GALNT17: variants seen among roughly 807,000 people sequenced by gnomAD.
GALNT17 encodes UDP-GalNAc:polypeptide N-acetylgalactosaminyltransferase-like 3.
GALNT17 carries 29 observed loss-of-function variants against 63.7 expected under a neutral mutation model. That is an observed-to-expected ratio of 0.46 (90% confidence interval 0.34 to 0.62). The LOEUF is 0.62. GALNT17 is among the 20% of genes least tolerant of loss of function. The pLI is 0.01. For missense variants in GALNT17, 603 were observed against 799.6 expected, an observed-to-expected ratio of 0.75 and a Z score of 2.97; for synonymous variants, 305 against 318.3, an observed-to-expected ratio of 0.96 and a Z score of 0.45.
At chr7:71,626,297 C>G (rs995841784) in intron 6 of GALNT17, among the ~76,000 whole-genome samples, 2 of 150,994 alleles carry the variant, frequency 1.3e-5, no homozygotes, top group Admixed American at 1.3e-4. Flanking sequence ...CATGTGAAGA[C>G]AAAGGGAAAA....
At chr7:71,469,769 T>C (rs950572089) in intron 5 of GALNT17, among the ~76,000 whole-genome samples, 6 of 152,218 alleles carry the variant, frequency 3.9e-5, no homozygotes, top group African/African-American at 1.4e-4. Context: ...TAGGCTAAAC[T>C]TAATTGAATA....
chr7:71,443,384 G>A (rs532777686), intron 5 of GALNT17, among the ~76,000 whole-genome samples: 1 of 152,298 alleles, frequency 6.6e-6, no homozygotes, highest in South Asian at 2.1e-4. Flanking sequence ...GCTGAAATTT[G>A]ATCCGCAGTG....
At chr7:71,411,782 T>C (rs1793434545) in intron 3 of GALNT17, among the ~76,000 whole-genome samples, 1 of 152,194 alleles carries the variant, frequency 6.6e-6, no homozygotes. Context: ...CAACGGACCA[T>C]TCTCAGCTTG....
At chr7:71,708,024 G>A (rs1032814753) in intron 9 of GALNT17, among the ~76,000 whole-genome samples, 12 of 152,182 alleles carry the variant, frequency 7.9e-5, no homozygotes, top group African/African-American at 2.7e-4. Flanking sequence ...ATTTGTTGTT[G>A]TACATAGAGC....
At chr7:71,613,180 T>C (rs1165623282) in intron 6 of GALNT17, among the ~76,000 whole-genome samples, 1 of 152,214 alleles carries the variant, frequency 6.6e-6, no homozygotes, top group African/African-American at 2.4e-5. Context: ...GAGAGGCGGT[T>C]ACTCCATCAA....
At chr7:71,162,088 C>T (rs1180893268) in intron 1 of GALNT17, among the ~76,000 whole-genome samples, 3 of 106,492 alleles carry the variant, frequency 2.8e-5, no homozygotes, top group African/African-American at 1.2e-4. Flanking sequence ...TTCTTTCCTT[C>T]CTCCCTCCCT....
chr7:71,601,349 A>G (rs1789964655), intron 6 of GALNT17, among the ~76,000 whole-genome samples: 2 of 152,114 alleles, frequency 1.3e-5, no homozygotes, highest in Non-Finnish European at 2.9e-5. Context: ...TTCCTTAAGG[A>G]ATCTCCACAC....
intron 1 of GALNT17, among the ~76,000 whole-genome samples, chr7:71,186,370 T>C (rs912708559): frequency 6.6e-6 from 1 of 152,164 alleles, no homozygotes; most frequent in Non-Finnish European, 1.5e-5. Flanking sequence ...GAAAACTTAG[T>C]GTACAAGAGA....
intron 2 of GALNT17, among the ~76,000 whole-genome samples, chr7:71,379,167 CCAGAGGAAGTGCCTAG>C (rs1792798612): frequency 1.3e-5 from 2 of 152,082 alleles, no homozygotes; most frequent in Admixed American, 6.5e-5. Context: ...GGGCTGGAGA[CCAGAGGAAGTGCCTAG>C]CAGGAGGAAG....
chr7:71,697,158 A>G (rs778133766), intron 9 of GALNT17, among the ~76,000 whole-genome samples: 1 of 152,160 alleles, frequency 6.6e-6, no homozygotes, highest in Non-Finnish European at 1.5e-5. Context: ...TAGAGTAAAA[A>G]GTCATGGTAG....
intron 1 of GALNT17, among the ~76,000 whole-genome samples, chr7:71,312,475 T>C (rs1791428459): frequency 6.6e-6 from 1 of 152,220 alleles, no homozygotes; most frequent in African/African-American, 2.4e-5. Context: ...GATTGTGGAT[T>C]AGTGTATTCT....
chr7:71,278,573 G>A (rs1452897989), intron 1 of GALNT17, among the ~76,000 whole-genome samples: 1 of 152,210 alleles, frequency 6.6e-6, no homozygotes, highest in Non-Finnish European at 1.5e-5. Flanking sequence ...GGCAACTTAT[G>A]AAGGAAAGAG....
chr7:71,469,512 A>T (rs1787593710), intron 5 of GALNT17, among the ~76,000 whole-genome samples: 1 of 152,224 alleles, frequency 6.6e-6, no homozygotes, highest in Admixed American at 6.5e-5. Flanking sequence ...TTGTGGACAG[A>T]AAAAGGAAAA....
At chr7:71,260,837 C>G (rs558372533) in intron 1 of GALNT17, among the ~76,000 whole-genome samples, 4 of 152,282 alleles carry the variant, frequency 2.6e-5, no homozygotes, top group Non-Finnish European at 5.9e-5. Flanking sequence ...CTCCTGGACT[C>G]AAGCAATTCT....
intron 2 of GALNT17, among the ~76,000 whole-genome samples, chr7:71,352,177 T>G (rs1187216717): frequency 1.3e-5 from 2 of 152,110 alleles, no homozygotes; most frequent in East Asian, 3.9e-4. Flanking sequence ...TCTGATCGTT[T>G]TATAAGGGGA....
chr7:71,509,947 C>A (rs1788328193), intron 5 of GALNT17, among the ~76,000 whole-genome samples: 1 of 43,294 alleles, frequency 2.3e-5, no homozygotes, highest in Non-Finnish European at 8.0e-5. Flanking sequence ...TTAAAGTGTA[C>A]AATTTTTTTT....
intron 1 of GALNT17, among the ~76,000 whole-genome samples, chr7:71,328,263 A>G (rs918360541): frequency 2.0e-5 from 3 of 152,198 alleles, no homozygotes; most frequent in Non-Finnish European, 4.4e-5. Context: ...AAAAACGACA[A>G]TTAGTTTTGC....
intron 2 of GALNT17, among the ~76,000 whole-genome samples, chr7:71,386,183 G>A (rs570062051): frequency 3.9e-5 from 6 of 152,254 alleles, no homozygotes; most frequent in African/African-American, 1.4e-4. Context: ...ATGCATCCCT[G>A]GACGATCTTC....
intron 3 of GALNT17, among the ~76,000 whole-genome samples, chr7:71,391,471 T>C (rs1359418386): frequency 6.6e-6 from 1 of 152,100 alleles, no homozygotes; most frequent in Non-Finnish European, 1.5e-5. Flanking sequence ...GGGTGATTCA[T>C]TGATTGACAG....
Sources: gnomAD v4.1 joint callset for allele counts (sites outside exome capture counted in the v4.1 genomes callset) on GRCh38, gnomAD v4.1.1 for gene constraint, MANE v1.5 for transcripts, NCBI Gene and HGNC (gene_info 2026-07-23, HGNC 2026-07-21) for gene names.